Variants in WDR70 observed in about 807,000 individuals in gnomAD.
WDR70 encodes WD repeat-containing protein 70.
In WDR70, 53 loss-of-function variants were observed where a neutral mutation model predicts 88.6. The ratio of observed to expected loss-of-function variants is 0.60; its 90% CI spans 0.48 to 0.75. The LOEUF (loss-of-function observed/expected upper bound fraction) is 0.75, where lower values mean the gene tolerates loss of function less well. Ranked by LOEUF, WDR70 falls within the 30% of genes least tolerant of loss-of-function variation. The probability of loss-of-function intolerance (pLI) is 0.00; values close to 1 mark genes in which losing one functional copy is unlikely to be tolerated. For synonymous variants in WDR70, 280 were observed against 270.0 expected, an observed-to-expected ratio of 1.04 and a Z score of -0.36; for missense variants, 610 against 823.2, an observed-to-expected ratio of 0.74 and a Z score of 3.17.
intron 7 of WDR70, among the ~76,000 whole-genome samples, chr5:37,465,513 C>G (rs1446705507): frequency 1.3e-5 from 2 of 152,146 alleles, no homozygotes; most frequent in Non-Finnish European, 1.5e-5. Flanking sequence ...CTAGTAGTAG[C>G]TGTGCAGAAA....
chr5:37,611,443 C>T (rs1027756423), intron 10 of WDR70, among the ~76,000 whole-genome samples: 2 of 151,864 alleles, frequency 1.3e-5, no homozygotes, highest in Non-Finnish European at 2.9e-5. Flanking sequence ...TTTATGATAG[C>T]GTGCTCTTAA....
intron 9 of WDR70, among the ~76,000 whole-genome samples, chr5:37,587,730 C>T (rs987808243): frequency 6.6e-6 from 1 of 150,890 alleles, no homozygotes; most frequent in Non-Finnish European, 1.5e-5. Flanking sequence ...ACTTATAAAA[C>T]ATTTTCATCA....
intron 9 of WDR70, among the ~76,000 whole-genome samples, chr5:37,530,950 C>T (rs1741465020): frequency 1.3e-5 from 2 of 152,034 alleles, no homozygotes; most frequent in Non-Finnish European, 2.9e-5. Flanking sequence ...GAACTTTCCT[C>T]TTAGCACCAC....
In WDR70 at chr5:37,479,851, T is replaced by C; in HGVS notation, c.704T>C (p.Leu235Ser). Residue 235 changes from leucine (L) to serine (S), a missense_variant, in exon 8 of 18, where the codon TTA becomes TCA. By Grantham distance (145) the Leu-to-Ser change is moderately radical. Around this residue, in one of 4 missense-constraint regions of WDR70, gnomAD observed 83 missense variants for 155.3 expected, o/e 0.53. Coordinates refer to ENST00000265107, the MANE Select transcript of WDR70 (RefSeq NM_018034.4). Reference sequence around the variant, plus strand: ...TCGTACAGCCATCAGATCAAGTCATTACAGTATAGTAACACAGGAGACATG... The same window carrying C: ...TCGTACAGCCATCAGATCAAGTCATCACAGTATAGTAACACAGGAGACATG... ...QPCECHQIKS[L>S]QYSNTGDMIL... is the part of the protein sequence containing the mutation. 6.2e-7 allele frequency: 1 copy of C among 1,613,942 alleles called. No homozygotes were observed. The highest frequency in any genetic ancestry group is 8.5e-7 in the Non-Finnish European group (1 of 1,179,952).
chr5:37,736,116 G>C (rs1258643994), intron 17 of WDR70, among the ~76,000 whole-genome samples: 1 of 152,170 alleles, frequency 6.6e-6, no homozygotes, highest in East Asian at 1.9e-4. Context: ...AAAAGGAGCT[G>C]GCTGGGGAAT....
intron 13 of WDR70, among the ~76,000 whole-genome samples, chr5:37,713,037 C>T (rs1404355579): frequency 6.6e-6 from 1 of 152,148 alleles, no homozygotes; most frequent in African/African-American, 2.4e-5. Context: ...TTGTAACTAG[C>T]AGATTCTTGA....
chr5:37,456,539 CA>C (rs549273874), intron 7 of WDR70, among the ~76,000 whole-genome samples: 172 of 151,936 alleles, frequency 1.1e-3, no homozygotes, highest in African/African-American at 4.1e-3. Context: ...AAGTAGTTTC[CA>C]AAAAAATTCC....
intron 5 of WDR70, among the ~76,000 whole-genome samples, chr5:37,421,944 A>G (rs1207284915): frequency 6.6e-6 from 1 of 151,540 alleles, no homozygotes; most frequent in Non-Finnish European, 1.5e-5. Context: ...GGTGGGAGTG[A>G]GAGTGTGGGA....
intron 2 of WDR70, among the ~76,000 whole-genome samples, chr5:37,380,848 C>T (rs1246762245): frequency 1.3e-5 from 2 of 152,048 alleles, no homozygotes; most frequent in Non-Finnish European, 2.9e-5. Context: ...GAGGTTTCAC[C>T]ATGTTGCCCA....
intron 5 of WDR70, among the ~76,000 whole-genome samples, chr5:37,433,665 ATAT>A (rs1475317115): frequency 4.6e-5 from 7 of 152,208 alleles, no homozygotes; most frequent in African/African-American, 1.7e-4. Context: ...GTCAAGATTT[ATAT>A]TATTCTCTCC....
intron 13 of WDR70, among the ~76,000 whole-genome samples, chr5:37,705,127 T>A (rs1470039675): frequency 6.6e-6 from 1 of 152,160 alleles, no homozygotes; most frequent in Non-Finnish European, 1.5e-5. Flanking sequence ...TTGAAATACC[T>A]ATAGGACTTC....
At chr5:37,582,022 T>C (rs567268542) in intron 9 of WDR70, among the ~76,000 whole-genome samples, 28 of 152,124 alleles carry the variant, frequency 1.8e-4, no homozygotes, top group Middle Eastern at 3.4e-3. Flanking sequence ...AAAAAAAAAA[T>C]CTTTAGTAGT....
At chr5:37,386,092 A>T (rs1748607027) in intron 3 of WDR70, among the ~76,000 whole-genome samples, 1 of 151,310 alleles carries the variant, frequency 6.6e-6, no homozygotes, top group Non-Finnish European at 1.5e-5. Flanking sequence ...GGATTACAGG[A>T]GTGAGCCACT....
intron 13 of WDR70, among the ~76,000 whole-genome samples, chr5:37,704,512 T>C (rs1747263607): frequency 1.3e-5 from 2 of 152,362 alleles, no homozygotes; most frequent in South Asian, 4.1e-4. Context: ...CATAATGTGA[T>C]ACATTTTTGT....
At chr5:37,598,964 A>G (rs1409534806) in intron 9 of WDR70, among the ~76,000 whole-genome samples, 1 of 152,202 alleles carries the variant, frequency 6.6e-6, no homozygotes, top group Non-Finnish European at 1.5e-5. Flanking sequence ...TTCCAGTTAC[A>G]AGTTCTGAAC....
intron 7 of WDR70, among the ~76,000 whole-genome samples, chr5:37,474,013 A>G (rs1419577499): frequency 6.6e-6 from 1 of 152,168 alleles, no homozygotes; most frequent in African/African-American, 2.4e-5. Context: ...ATATGTCACA[A>G]GTTCTAATTC....
chr5:37,675,563 T>C (rs1411282568), intron 10 of WDR70, among the ~76,000 whole-genome samples: 2 of 152,144 alleles, frequency 1.3e-5, no homozygotes, highest in Non-Finnish European at 2.9e-5. Flanking sequence ...GCATTATTTC[T>C]GAGGGCTCTG....
intron 9 of WDR70, among the ~76,000 whole-genome samples, chr5:37,551,335 C>T (rs1581386676): frequency 1.3e-5 from 2 of 150,880 alleles, no homozygotes; most frequent in South Asian, 4.2e-4. Context: ...ATTACAACAA[C>T]AAAAAAAACT....
chr5:37,508,345 C>A (rs1162111932), intron 8 of WDR70, among the ~76,000 whole-genome samples: 1 of 152,092 alleles, frequency 6.6e-6, no homozygotes, highest in Non-Finnish European at 1.5e-5. Flanking sequence ...AGAAGATGGC[C>A]CATCTGCAAG....
Sources: allele counts gnomAD v4.1 joint callset (sites outside exome capture counted in the v4.1 genomes callset), GRCh38; gene constraint gnomAD v4.1.1; regional missense constraint gnomAD v4.1.1; transcripts MANE v1.5; gene names NCBI Gene and HGNC (gene_info 2026-07-23, HGNC 2026-07-21).